DCHS2: variants seen among roughly 807,000 people sequenced by gnomAD.
DCHS2 encodes the protein dachsous cadherin-related 2, also known as protocadherin-23.
A neutral mutation model predicts 182.4 loss-of-function variants in DCHS2; 142 were observed. The observed-to-expected ratio is 0.78, with a 90% CI of 0.68 to 0.89. The LOEUF is 0.89. DCHS2 is among the 40% of genes least tolerant of loss of function. The pLI is 0.00. For missense variants in DCHS2, 4,319 were observed against 4,198.6 expected, an observed-to-expected ratio of 1.03 and a Z score of -0.79; for synonymous variants, 1,740 against 1,663.3, an observed-to-expected ratio of 1.05 and a Z score of -1.12.
At chr4:154,242,600 T>C (rs368862870) in intron 17 of DCHS2, 42 bp downstream of exon 17, 1 of 1,595,242 alleles carries the variant, frequency 6.3e-7, no homozygotes, top group African/African-American at 1.3e-5. Context: ...AATGATATTA[T>C]ACAAGTTAAT....
chr4:154,246,032 T>G (rs951243366), intron 16 of DCHS2, among the ~76,000 whole-genome samples: 2 of 152,134 alleles, frequency 1.3e-5, no homozygotes, highest in Non-Finnish European at 2.9e-5. Flanking sequence ...AATTTTGCTG[T>G]GGACCTAAAA....
rs909659419 is a variant in DCHS2 at position 154,490,713 on chromosome 4, C to T, written c.643G>A (p.Asp215Asn). ...AACTGGAAGAACGGGCCTGCGGGGT[C>T]CTTGGGCAGGTCGGACGGTTGCACC... ...TLVQPSDLPK[D>N]PAGPFFQLRY... Residue 215 changes from aspartate (D) to asparagine (N), a missense_variant, in exon 1 of 20, where the codon GAC becomes AAC. Coordinates refer to ENST00000357232, the MANE Select transcript of DCHS2 (RefSeq NM_001358235.2). 15 of 1,551,490 alleles carry T rather than the reference C, an allele frequency of 9.7e-6. No individual in the cohort carries two copies. The highest frequency in any genetic ancestry group is 1.4e-5 in the African/African-American group (1 of 73,050).
chr4:154,334,999 T>C lies in DCHS2; in HGVS notation c.2582A>G (p.Asp861Gly). ...TGTCTGGAAAATGTGTATGGTGACATCGGCATTAATGACAGCTGTGAGCCC... is the reference window on the plus strand; with the variant it reads ...TGTCTGGAAAATGTGTATGGTGACACCGGCATTAATGACAGCTGTGAGCCC... ...GGGLTAVINA[D>G]VTIHIFQTTL... The change falls in exon 4 of 20, where the codon GAT becomes GGT. Residue 861 changes from aspartate (D) to glycine (G), a missense_variant. Coordinates refer to ENST00000357232, the MANE Select transcript of DCHS2 (RefSeq NM_001358235.2). The C allele has an allele frequency of 6.2e-7, 1 of 1,614,140 alleles. No individual in the cohort carries two copies. The highest frequency in any genetic ancestry group is 8.5e-7 in the Non-Finnish European group (1 of 1,180,008).
At chr4:154,334,786 T>C in intron 4 of DCHS2, 82 bp downstream of exon 4, 1 of 1,130,910 alleles carries the variant, frequency 8.8e-7, no homozygotes, top group South Asian at 1.4e-5. Context: ...AGAAAAAAAT[T>C]ATTCAAGATT....
Position 154,318,187 on chromosome 4 carries a change from C to A in DCHS2, c.5020+2192G>T, listed in dbSNP as rs550692417. On this transcript the variant is annotated intron_variant, in intron 9 of 19. Coordinates refer to ENST00000357232, the MANE Select transcript of DCHS2 (RefSeq NM_001358235.2). ...TTAAAGTTAGTTCTCCAAATACAAA[C>A]CCTGTGTCTATTTTATATATATATG... is the stretch of plus-strand genomic sequence containing the variant. Among the ~76,000 whole-genome samples the A allele has an allele frequency of 4.0e-5, 6 of 151,544 alleles. No individual in the cohort carries two copies. In the East Asian group the frequency reaches 9.7e-4, roughly 24 times the overall value.
intron 1 of DCHS2, among the ~76,000 whole-genome samples, chr4:154,436,907 T>G (rs1335955272): frequency 6.6e-6 from 1 of 152,246 alleles, no homozygotes; most frequent in Non-Finnish European, 1.5e-5. Context: ...CGATTACATG[T>G]TGAAATAATA....
intron 1 of DCHS2, among the ~76,000 whole-genome samples, chr4:154,420,313 A>G (rs146254669): frequency 0.015 from 2,273 of 150,950 alleles, 46 homozygotes; most frequent in African/African-American, 0.046. Context: ...ACGTACGTAC[A>G]TACATACATA....
rs2111074995 is a variant in DCHS2, at chr4:154,234,456, A to G, written c.*80T>C. The G allele has an allele frequency of 2.1e-6, 3 of 1,435,874 alleles. No homozygotes were observed. The highest frequency in any genetic ancestry group is 1.6e-5 in the South Asian group (1 of 61,634). 88.9% of individuals were successfully genotyped at this position (1,435,874 alleles called of 1,614,324 possible). ...TTGCTTTTAGATAAAAATGAGCCCA[A>G]TCTCGAGTTGCTGGCTTGAAAACAT... On this transcript the variant is annotated 3_prime_UTR_variant, in exon 20 of 20. Coordinates refer to ENST00000357232, the MANE Select transcript of DCHS2 (RefSeq NM_001358235.2).
At chr4:154,251,668 G>A (rs4696540) in intron 16 of DCHS2, among the ~76,000 whole-genome samples, 2 of 151,936 alleles carry the variant, frequency 1.3e-5, no homozygotes, top group Admixed American at 6.6e-5. Context: ...ACAGGAGCCC[G>A]CCACCATGCC....
intron 1 of DCHS2, among the ~76,000 whole-genome samples, chr4:154,377,926 A>G (rs943767551): frequency 6.6e-6 from 1 of 152,124 alleles, no homozygotes; most frequent in Non-Finnish European, 1.5e-5. Context: ...AGTAAATGCC[A>G]CCATTACTAG....
chr4:154,338,381 A>G (rs2111378157), intron 3 of DCHS2, among the ~76,000 whole-genome samples: 1 of 152,352 alleles, frequency 6.6e-6, no homozygotes, highest in East Asian at 1.9e-4. Context: ...AGTTTAGATA[A>G]GAAACAATAA....
chr4:154,343,163 G>C (rs1729189514), intron 3 of DCHS2, among the ~76,000 whole-genome samples: 1 of 152,126 alleles, frequency 6.6e-6, no homozygotes, highest in African/African-American at 2.4e-5. Context: ...GCTGTAGACA[G>C]ATGATATCTG....
chr4:154,348,603 C>T (rs1729465349), intron 3 of DCHS2, among the ~76,000 whole-genome samples: 1 of 151,672 alleles, frequency 6.6e-6, no homozygotes, highest in Non-Finnish European at 1.5e-5. Flanking sequence ...TGACCGGTGT[C>T]CACACACAAG....
At chr4:154,422,774 T>C (rs1037601898) in intron 1 of DCHS2, among the ~76,000 whole-genome samples, 1 of 152,162 alleles carries the variant, frequency 6.6e-6, no homozygotes, top group Non-Finnish European at 1.5e-5. Context: ...AGATGTTCTA[T>C]GTGCTTCCTG....
At position 154,451,788 on chromosome 4, in the gene DCHS2, A is replaced by G. The variant is rs1462360911; in HGVS notation, c.2052+37516T>C. Among the ~76,000 whole-genome samples the G allele has an allele frequency of 2.0e-5, 3 of 152,210 alleles. No individual in the cohort carries two copies. The East Asian group carries it at 5.8e-4, about 29-fold the overall frequency. On this transcript the variant is annotated intron_variant, in intron 1 of 19. Coordinates refer to ENST00000357232, the MANE Select transcript of DCHS2 (RefSeq NM_001358235.2). ...CAAATGTACAGTTCTATACTGATAA[A>G]TGGGATGAAGCCAGTGACTTGGTCG... is the stretch of plus-strand genomic sequence containing the variant.
intron 1 of DCHS2, among the ~76,000 whole-genome samples, chr4:154,381,468 C>T (rs1658970095): frequency 6.6e-6 from 1 of 152,026 alleles, no homozygotes; most frequent in Non-Finnish European, 1.5e-5. Context: ...AAATAAAAAG[C>T]ATCCAAATAG....
intron 10 of DCHS2, among the ~76,000 whole-genome samples, chr4:154,313,190 T>G (rs907708550): frequency 6.6e-6 from 1 of 152,196 alleles, no homozygotes; most frequent in Non-Finnish European, 1.5e-5. Context: ...CCTTTCCTCT[T>G]GGGAGTGGGG....
intron 1 of DCHS2, among the ~76,000 whole-genome samples, chr4:154,438,050 C>T (rs72725318): frequency 0.022 from 3,308 of 152,200 alleles, 54 homozygotes; most frequent in Non-Finnish European, 0.034. Flanking sequence ...TGAAATTACT[C>T]CTCTCAGTCC....
At chr4:154,482,524 C>T (rs968058388) in intron 1 of DCHS2, among the ~76,000 whole-genome samples, 8 of 152,150 alleles carry the variant, frequency 5.3e-5, no homozygotes, top group Non-Finnish European at 1.2e-4. Context: ...CAATAGGTAG[C>T]AGACATCAAC....
Sources: allele counts gnomAD v4.1 joint callset (sites outside exome capture counted in the v4.1 genomes callset), GRCh38; gene constraint gnomAD v4.1.1; transcripts MANE v1.5; gene names NCBI Gene and HGNC (gene_info 2026-07-23, HGNC 2026-07-21).